Variants in CPQ observed in about 807,000 individuals in gnomAD.
CPQ encodes the protein carboxypeptidase Q.
Under a neutral mutation model 45.7 loss-of-function variants are expected in CPQ, and 37 were observed. That is an observed-to-expected ratio of 0.81 (90% confidence interval 0.62 to 1.07). The LOEUF (loss-of-function observed/expected upper bound fraction) is 1.07, where lower values mean the gene tolerates loss of function less well. Ranked by LOEUF, CPQ falls within the 50% of genes least tolerant of loss-of-function variation. The probability of loss-of-function intolerance (pLI) is 0.00; values close to 1 mark genes in which losing one functional copy is unlikely to be tolerated. For synonymous variants in CPQ, 186 were observed against 205.8 expected (o/e 0.90, Z 0.82); for missense variants, 537 against 572.9 (o/e 0.94, Z 0.64).
intron 2 of CPQ, among the ~76,000 whole-genome samples, chr8:96,834,522 A>G: frequency 6.6e-6 from 1 of 152,190 alleles, no homozygotes; most frequent in Non-Finnish European, 1.5e-5. Context: ...CATCCTTTGT[A>G]TGATGTTGTT....
intron 4 of CPQ, among the ~76,000 whole-genome samples, chr8:96,951,057 TAG>T (rs1272519435): frequency 6.6e-6 from 1 of 152,190 alleles, no homozygotes; most frequent in Admixed American, 6.5e-5. Flanking sequence ...TAAATTGTTA[TAG>T]AGTTAAAACA....
At chr8:96,751,952 G>A (rs1410213577) in intron 1 of CPQ, among the ~76,000 whole-genome samples, 8 of 152,204 alleles carry the variant, frequency 5.3e-5, no homozygotes, top group African/African-American at 1.9e-4. Flanking sequence ...GTTTGTAGGT[G>A]TGTGGTCTTA....
intron 5 of CPQ, among the ~76,000 whole-genome samples, chr8:96,985,705 CT>C (rs1808954256): frequency 6.6e-6 from 1 of 152,096 alleles, no homozygotes; most frequent in South Asian, 2.1e-4. Flanking sequence ...GTATTTTAAC[CT>C]TTTGTGTGTG....
chr8:96,780,842 A>C (rs1810676230), intron 1 of CPQ, among the ~76,000 whole-genome samples: 1 of 151,850 alleles, frequency 6.6e-6, no homozygotes, highest in South Asian at 2.1e-4. Context: ...GTTTGGACTC[A>C]ACACATTTCA....
In CPQ at chr8:96,973,742, C is replaced by T. The variant is rs143576564; in HGVS notation, c.961+7696C>T. Among the ~76,000 whole-genome samples the T allele has an allele frequency of 1.2e-3, 182 of 152,246 alleles. 2 individuals carry two copies. The East Asian group carries it at 0.028, about 24-fold the overall frequency. Reference sequence around the variant, plus strand: ...TAGCCTCCTTAAACAAAACAATTATCAGCCAAGAATTTTGTATCCAGCAAA... The same window carrying T: ...TAGCCTCCTTAAACAAAACAATTATTAGCCAAGAATTTTGTATCCAGCAAA... On this transcript the variant is annotated intron_variant, in intron 5 of 7. Transcript: ENST00000220763.
intron 3 of CPQ, among the ~76,000 whole-genome samples, chr8:96,873,112 G>GT (rs933957236): frequency 6.6e-6 from 1 of 151,768 alleles, no homozygotes; most frequent in Non-Finnish European, 1.5e-5. Flanking sequence ...CCCTGTAATG[G>GT]TGTTCTTCTG....
chr8:96,706,270 ATTATT>A (rs1809529584), intron 1 of CPQ, among the ~76,000 whole-genome samples: 1 of 152,092 alleles, frequency 6.6e-6, no homozygotes, highest in African/African-American at 2.4e-5. Flanking sequence ...CAATGACTCT[ATTATT>A]TTAAGCCAGG....
chr8:96,935,264 G>A (rs574758069), intron 4 of CPQ, among the ~76,000 whole-genome samples: 12 of 152,230 alleles, frequency 7.9e-5, no homozygotes, highest in South Asian at 6.2e-4. Context: ...GGCAACAGGC[G>A]TATATCCTAC....
intron 1 of CPQ, among the ~76,000 whole-genome samples, chr8:96,656,561 C>A (rs921741368): frequency 6.6e-6 from 1 of 152,132 alleles, no homozygotes; most frequent in African/African-American, 2.4e-5. Flanking sequence ...TGGGCAGGGC[C>A]TTAGAGTGGG....
chr8:96,940,769 C>G (rs1813114593), intron 4 of CPQ, among the ~76,000 whole-genome samples: 2 of 152,156 alleles, frequency 1.3e-5, no homozygotes. Flanking sequence ...AGTTGAATTT[C>G]TATCAACTAG....
chr8:96,910,949 T>C lies in CPQ; in HGVS notation c.849+30944T>C, dbSNP rs145916397. ...TCCATATATGGGCTTCACTCTATAC[T>C]AGATGGACTCTTACTGTTACACCAG... On this transcript the variant is annotated intron_variant, in intron 4 of 7. Transcript: ENST00000220763. Among the ~76,000 whole-genome samples the C allele has an allele frequency of 8.1e-3, 1,234 of 152,024 alleles. 12 individuals carry two copies. The highest frequency in any genetic ancestry group is 0.028 in the African/African-American group (1,149 of 41,434).
At chr8:96,999,694 T>C (rs952204270) in intron 5 of CPQ, among the ~76,000 whole-genome samples, 6 of 152,032 alleles carry the variant, frequency 3.9e-5, no homozygotes, top group Admixed American at 1.3e-4. Flanking sequence ...AGTGCTGCAG[T>C]GAACATATGT....
intron 7 of CPQ, among the ~76,000 whole-genome samples, chr8:97,114,270 C>T (rs1253141220): frequency 6.6e-6 from 1 of 152,190 alleles, no homozygotes. Context: ...GGTTTCCTTT[C>T]TGGAAGGTAA....
intron 1 of CPQ, among the ~76,000 whole-genome samples, chr8:96,726,615 G>A (rs1388189391): frequency 1.3e-5 from 2 of 152,070 alleles, no homozygotes; most frequent in Non-Finnish European, 2.9e-5. Context: ...CTATCTTAAG[G>A]ACAGTGCCAA....
chr8:96,957,659 C>T (rs1176943765), intron 4 of CPQ, among the ~76,000 whole-genome samples: 1 of 151,938 alleles, frequency 6.6e-6, no homozygotes, highest in African/African-American at 2.4e-5. Context: ...ATTAGCCAGG[C>T]CTGGTGGCAC....
chr8:96,742,363 G>C (rs971510816), intron 1 of CPQ, among the ~76,000 whole-genome samples: 3 of 152,128 alleles, frequency 2.0e-5, no homozygotes, highest in African/African-American at 7.2e-5. Flanking sequence ...TTGAGCCTAT[G>C]TGTGTCTCTG....
chr8:96,884,697 C>G (rs1187155820), intron 4 of CPQ, among the ~76,000 whole-genome samples: 1 of 152,164 alleles, frequency 6.6e-6, no homozygotes, highest in African/African-American at 2.4e-5. Context: ...CAACTGAGAA[C>G]TGATCTTTCA....
intron 1 of CPQ, among the ~76,000 whole-genome samples, chr8:96,658,084 G>T (rs1815658466): frequency 1.3e-5 from 2 of 151,960 alleles, no homozygotes; most frequent in African/African-American, 4.8e-5. Flanking sequence ...TCTTTTGTAG[G>T]GTTTTTCTTT....
intron 7 of CPQ, among the ~76,000 whole-genome samples, chr8:97,122,991 ATAAAATAAAAT>A: frequency 2.8e-5 from 2 of 72,136 alleles, no homozygotes; most frequent in African/African-American, 7.0e-5. Flanking sequence ...TTAAAATAAA[ATAAAATAAAAT>A]ATAAAATAAA....
Sources: gnomAD v4.1 joint callset for allele counts (sites outside exome capture counted in the v4.1 genomes callset) on GRCh38, gnomAD v4.1.1 for gene constraint, MANE v1.5 for transcripts, NCBI Gene and HGNC (gene_info 2026-07-23, HGNC 2026-07-21) for gene names.